The following ARHGEF10L variants were observed in gnomAD, a reference collection of about 807,000 sequenced individuals.
ARHGEF10L encodes the protein Rho guanine nucleotide exchange factor 10 like.
Under a neutral mutation model 141.2 loss-of-function variants are expected in ARHGEF10L, and 69 were observed. That is an observed-to-expected ratio of 0.49 (90% CI 0.40 to 0.60). The LOEUF (loss-of-function observed/expected upper bound fraction) is 0.60, where lower values mean the gene tolerates loss of function less well. Ranked by LOEUF, ARHGEF10L falls within the 20% of genes least tolerant of loss-of-function variation. The probability of loss-of-function intolerance (pLI) is 0.00; values close to 1 mark genes in which losing one functional copy is unlikely to be tolerated. For synonymous variants in ARHGEF10L, 711 were observed against 718.5 expected (o/e 0.99, Z 0.17); for missense variants, 1,482 against 1,734.3 (o/e 0.85, Z 2.58).
At chr1:17,628,034 TA>T (rs372751897) in intron 15 of ARHGEF10L, among the ~76,000 whole-genome samples, 4,002 of 143,610 alleles carry the variant, frequency 0.028, 165 homozygotes, top group African/African-American at 0.092. Flanking sequence ...AACATGCTAT[TA>T]AAAAAAAAAA....
At chr1:17,677,461 C>T (rs780676453) in intron 26 of ARHGEF10L, among the ~76,000 whole-genome samples, 6 of 152,248 alleles carry the variant, frequency 3.9e-5, no homozygotes, top group African/African-American at 2.4e-5. Context: ...CGATCGGTGC[C>T]GCCCCGGCTC....
rs532964184 is a variant in ARHGEF10L at position 17,621,125 on chromosome 1, G to C, written c.943-739G>C. Among the ~76,000 whole-genome samples, 38 of 152,310 alleles carry C rather than the reference G, an allele frequency of 2.5e-4. No individual in the cohort carries two copies. The highest frequency in any genetic ancestry group is 8.9e-4 in the African/African-American group (37 of 41,564). Reference sequence around the variant, plus strand: ...AGCCAGAAGCAGAGACCACTCGTGTGGGGGGACGGTACCCCAAGGCCTGTC... The same window carrying C: ...AGCCAGAAGCAGAGACCACTCGTGTCGGGGGACGGTACCCCAAGGCCTGTC... On this transcript the variant is annotated intron_variant, in intron 10 of 28. Transcript: ENST00000361221. The surrounding 1 kb of genome is among the most constrained non-coding windows in gnomAD (Gnocchi z 4.1).
Position 17,613,178 on chromosome 1 carries a change from TTGTC to T in ARHGEF10L, c.726+13_726+16del, listed in dbSNP as rs1467552341. On this transcript the variant is annotated splice_donor_5th_base_variant and intron_variant, in intron 8 of 28. Transcript: ENST00000361221. ...GAAGCACAAGTACGATTGTAAGGTA[TTGTC>T]TGTCTGTCCCCTCAAGCCCTGGATG... is the stretch of plus-strand genomic sequence containing the variant. 2 of 1,610,218 alleles carry T rather than the reference TTGTC, an allele frequency of 1.2e-6. No individual in the cohort carries two copies. The highest frequency in any genetic ancestry group is 1.3e-5 in the African/African-American group (1 of 74,812).
chr1:17,664,441 C>T lies in ARHGEF10L; in HGVS notation c.2861-6C>T. The T allele has an allele frequency of 6.2e-7, 1 of 1,601,682 alleles. No homozygotes were observed. The highest frequency in any genetic ancestry group is 8.5e-7 in the Non-Finnish European group (1 of 1,179,434). On this transcript the variant is annotated splice_polypyrimidine_tract_variant and splice_region_variant and intron_variant, in intron 25 of 28. Coordinates refer to ENST00000361221, the MANE Select transcript of ARHGEF10L (RefSeq NM_018125.4). ...CCCCTGACCTGCCTCCCCTCTCTCC[C>T]TGCAGGAGGTGTCCTGTGGGACCTG... is the stretch of plus-strand genomic sequence containing the variant.
the ARHGEF10L span, among the ~76,000 whole-genome samples, chr1:17,533,182 AGT>A: frequency 6.6e-6 from 1 of 152,198 alleles, no homozygotes; most frequent in Non-Finnish European, 1.5e-5. Flanking sequence ...GCTAGGACAG[AGT>A]GTCTTTGTGC....
intron 25 of ARHGEF10L, 118 bp from the exon 26 acceptor site, chr1:17,664,329 C>T: frequency 8.4e-7 from 1 of 1,192,548 alleles, no homozygotes; most frequent in African/African-American, 1.6e-5. Flanking sequence ...GAGAAAGGCC[C>T]TGGAGAGCGG....
chr1:17,565,318 A>G (rs1329755352), intron 1 of ARHGEF10L, among the ~76,000 whole-genome samples: 1 of 152,148 alleles, frequency 6.6e-6, no homozygotes, highest in Non-Finnish European at 1.5e-5. Flanking sequence ...AAAACATGCA[A>G]ATACTGTGGG....
chr1:17,559,311 C>T (rs142795012), intron 1 of ARHGEF10L, among the ~76,000 whole-genome samples: 15 of 152,276 alleles, frequency 9.9e-5, no homozygotes, highest in African/African-American at 3.4e-4. Flanking sequence ...AAGGCAGCTT[C>T]GGTGTGGAGC....
In ARHGEF10L at chr1:17,549,013, T is replaced by C. The variant is rs139192828; in HGVS notation, c.-44+9063T>C. On this transcript the variant is annotated intron_variant, in intron 1 of 28. Coordinates refer to ENST00000361221, the MANE Select transcript of ARHGEF10L (RefSeq NM_018125.4). ...GAGTAAGCTGACATTAACCTTGCCC[T>C]GGTGGTTTTGTTTTTGTTTTTGTTT... 4.3e-4 allele frequency among the ~76,000 whole-genome samples: 65 copies of C among 151,864 alleles called. 2 individuals carry two copies. The East Asian group carries it at 0.011, about 26-fold the overall frequency.
At chr1:17,676,707 GC>G (rs921148167) in intron 26 of ARHGEF10L, among the ~76,000 whole-genome samples, 3 of 151,920 alleles carry the variant, frequency 2.0e-5, no homozygotes, top group African/African-American at 7.3e-5. Flanking sequence ...CAAAGTCAAG[GC>G]CCCCCAGGCT....
At chr1:17,528,465 C>G in the ARHGEF10L span, among the ~76,000 whole-genome samples, 1 of 152,126 alleles carries the variant, frequency 6.6e-6, no homozygotes, top group Non-Finnish European at 1.5e-5. Context: ...GATCCTCCCA[C>G]CTCGACCTCT....
intron 26 of ARHGEF10L, among the ~76,000 whole-genome samples, chr1:17,674,174 A>G (rs922467676): frequency 4.6e-5 from 7 of 151,824 alleles, no homozygotes; most frequent in African/African-American, 1.2e-4. Context: ...TTTCTCCCCA[A>G]AATCTCCCCT....
chr1:17,663,571 C>CA (rs533020326), intron 25 of ARHGEF10L, among the ~76,000 whole-genome samples: 146 of 141,234 alleles, frequency 1.0e-3, no homozygotes, highest in African/African-American at 2.5e-3. Context: ...AAAAAAAAAA[C>CA]AAAAAAAAAC....
At chr1:17,597,361 A>G (rs559034434) in intron 4 of ARHGEF10L, among the ~76,000 whole-genome samples, 5 of 152,068 alleles carry the variant, frequency 3.3e-5, no homozygotes, top group South Asian at 4.2e-4. Flanking sequence ...CGTGGCTTCC[A>G]TGGACAGCGG....
At chr1:17,543,547 T>C (rs2076807039) in intron 1 of ARHGEF10L, among the ~76,000 whole-genome samples, 1 of 152,042 alleles carries the variant, frequency 6.6e-6, no homozygotes, top group South Asian at 2.1e-4. Context: ...TGTGCCATTG[T>C]ACTCCAGCCT....
chr1:17,566,787 C>A (rs995545724), intron 1 of ARHGEF10L, among the ~76,000 whole-genome samples: 1 of 152,158 alleles, frequency 6.6e-6, no homozygotes, highest in African/African-American at 2.4e-5. Context: ...GACCAGGGGA[C>A]CAAGTGCTCA....
chr1:17,553,308 A>C (rs1329071454), intron 1 of ARHGEF10L, among the ~76,000 whole-genome samples: 1 of 152,218 alleles, frequency 6.6e-6, no homozygotes, highest in Admixed American at 6.5e-5. Context: ...TGAGATGGGT[A>C]GATTGAGAAT....
chr1:17,638,341 C>T (rs114968936), intron 19 of ARHGEF10L, among the ~76,000 whole-genome samples: 2 of 152,208 alleles, frequency 1.3e-5, no homozygotes, highest in Admixed American at 1.3e-4. Flanking sequence ...CGGCATGTCC[C>T]TCTCAGAGGA....
intron 4 of ARHGEF10L, among the ~76,000 whole-genome samples, chr1:17,596,403 CTCCTG>C (rs2080105344): frequency 6.6e-6 from 1 of 152,232 alleles, no homozygotes; most frequent in South Asian, 2.1e-4. Context: ...TACGCAAACT[CTCCTG>C]TCCTGTCCCT....
Sources: gnomAD v4.1 joint callset for allele counts (sites outside exome capture counted in the v4.1 genomes callset) on GRCh38, gnomAD v4.1.1 for gene constraint, Gnocchi (gnomAD v3.1) non-coding constraint, MANE v1.5 for transcripts, NCBI Gene and HGNC (gene_info 2026-07-23, HGNC 2026-07-21) for gene names.